Variants in VPS13B observed in about 807,000 individuals in gnomAD.
The protein encoded by VPS13B is intermembrane lipid transfer protein VPS13B.
VPS13B carries 285 observed loss-of-function variants against 426.4 expected under a neutral mutation model. That is an observed-to-expected ratio of 0.67 (90% confidence interval 0.61 to 0.74). The LOEUF is 0.74. VPS13B is among the 30% of genes least tolerant of loss of function. The probability of loss-of-function intolerance (pLI) is 0.00; values close to 1 mark genes in which losing one functional copy is unlikely to be tolerated. For synonymous variants in VPS13B, 1,676 were observed against 1,676.4 expected, an observed-to-expected ratio of 1.00 and a Z score of 0.01; for missense variants, 4,537 against 4,782.6, an observed-to-expected ratio of 0.95 and a Z score of 1.51.
chr8:99,497,413 T>C (rs1263260851), intron 25 of VPS13B, among the ~76,000 whole-genome samples: 1 of 147,112 alleles, frequency 6.8e-6, no homozygotes. Flanking sequence ...ATATAAAAAA[T>C]TATTACAAAT....
intron 17 of VPS13B, among the ~76,000 whole-genome samples, chr8:99,232,687 G>T (rs1816404436): frequency 6.6e-6 from 1 of 152,140 alleles, no homozygotes; most frequent in Non-Finnish European, 1.5e-5. Flanking sequence ...CACAAAAAAG[G>T]GTGTGCATTT....
At chr8:99,438,177 C>A (rs1817495051) in intron 22 of VPS13B, among the ~76,000 whole-genome samples, 1 of 151,740 alleles carries the variant, frequency 6.6e-6, no homozygotes, top group East Asian at 1.9e-4. Context: ...TAGGGAACTA[C>A]TTCCCACATT....
At chr8:99,147,754 T>C (rs1273178298) in intron 13 of VPS13B, 87 bp from the exon 14 acceptor site, 12 of 878,248 alleles carry the variant, frequency 1.4e-5, no homozygotes, top group African/African-American at 1.8e-5. Context: ...TTTGACCTTA[T>C]AGTTTGGAGA....
At chr8:99,096,201 G>A (rs1846406865) in intron 3 of VPS13B, 111 bp from the exon 4 acceptor site, 2 of 1,247,524 alleles carry the variant, frequency 1.6e-6, no homozygotes, top group South Asian at 1.4e-5. Context: ...ATAAAATTAT[G>A]TTGATCTTAT....
chr8:99,764,136 G>A (rs2130607576), intron 39 of VPS13B, among the ~76,000 whole-genome samples: 2 of 152,146 alleles, frequency 1.3e-5, no homozygotes, highest in South Asian at 4.2e-4. Context: ...CTGCCCTCAA[G>A]GATCTTAGAG....
chr8:99,351,053 C>G (rs1811853857), intron 19 of VPS13B, among the ~76,000 whole-genome samples: 2 of 152,034 alleles, frequency 1.3e-5, no homozygotes, highest in South Asian at 4.1e-4. Flanking sequence ...TGCAGATTTT[C>G]TTCTTAACTT....
In VPS13B at chr8:99,442,625, C is replaced by G. The variant is rs1817730301; in HGVS notation, c.3435C>G (p.Ile1145Met). The G allele has an allele frequency of 6.2e-7, 1 of 1,613,582 alleles. No individual in the cohort carries two copies. The highest frequency in any genetic ancestry group is 1.1e-5 in the South Asian group (1 of 91,062). The change falls in exon 23 of 62, where the codon ATC (isoleucine) becomes ATG (methionine). Residue 1145 changes from isoleucine to methionine, a missense_variant. Ile to Met is a conservative substitution (Grantham distance 10). This residue lies in a region of VPS13B where 4,311 missense variants were observed against 4,474.3 expected (regional missense o/e 0.96). Coordinates refer to ENST00000357162, the MANE Select transcript of VPS13B (RefSeq NM_152564.5). ...QEIPFVIPRP[I>M]LEEGDAFPWT... ...TTCCATTTGTTATCCCACGACCCAT[C>G]CTTGAAGAAGGTATATGTTAACATT...
rs747097247 is a variant in VPS13B, at chr8:99,326,452, C to CTTTTTTTTTTTTTTTTTTTTTT, written c.2824+51207_2824+51228dup. Among the ~76,000 whole-genome samples the CTTTTTTTTTTTTTTTTTTTTTT allele has an allele frequency of 1.9e-3, 62 of 32,524 alleles. 17 individuals are homozygous for CTTTTTTTTTTTTTTTTTTTTTT. Among genetic ancestry groups the CTTTTTTTTTTTTTTTTTTTTTT allele is most frequent in the African/African-American group, 2.3e-3 (18 of 7,746 alleles). 21.3% of individuals were successfully genotyped at this position (32,524 alleles called of 152,430 possible). A position where few individuals can be genotyped will look rare whatever the true frequency, so the allele number is the denominator to read the frequency against. On this transcript the variant is annotated intron_variant, in intron 19 of 61. Transcript: ENST00000357162. ...ATTTCTATCTATCATCTCTAGGTAG[C>CTTTTTTTTTTTTTTTTTTTTTT]TTTTTTTTTTTTTTTTTTTTTTTTT...
chr8:99,832,366 TAGTATTTTC>T lies in VPS13B; in HGVS notation c.9331-2_9337del. The stretch of plus-strand genomic sequence containing the variant: ...ATTTTTTTTTTTTTTTTTTTTTTTT[TAGTATTTTC>T]GTGTTCCAGACAGTGCTACTTTTAG... On this transcript the variant is annotated splice_acceptor_variant and coding_sequence_variant, in exon 52 of 62. Coordinates refer to ENST00000357162, the MANE Select transcript of VPS13B (RefSeq NM_152564.5). LOFTEE classifies it high-confidence loss of function. 1 of 1,462,312 alleles carries T rather than the reference TAGTATTTTC, an allele frequency of 6.8e-7. No individual in the cohort carries two copies. Among genetic ancestry groups the T allele is most frequent in the African/African-American group, 1.5e-5 (1 of 64,826 alleles). 90.6% of individuals were successfully genotyped at this position (1,462,312 alleles called of 1,614,324 possible).
intron 31 of VPS13B, among the ~76,000 whole-genome samples, chr8:99,559,150 C>A (rs570984606): frequency 6.6e-6 from 1 of 152,308 alleles, no homozygotes; most frequent in Admixed American, 6.5e-5. Context: ...TTGCATTTCT[C>A]TGATGGCCAG....
At chr8:99,752,986 T>G (rs1219324051) in intron 39 of VPS13B, among the ~76,000 whole-genome samples, 1 of 152,166 alleles carries the variant, frequency 6.6e-6, no homozygotes, top group East Asian at 1.9e-4. Flanking sequence ...TCCTGGGCTC[T>G]GGAATCTCCA....
intron 58 of VPS13B, among the ~76,000 whole-genome samples, chr8:99,864,957 G>A (rs1056497226): frequency 2.0e-5 from 3 of 152,188 alleles, no homozygotes; most frequent in African/African-American, 4.8e-5. Flanking sequence ...TTACGGGTTC[G>A]GCGGGCCTTC....
chr8:99,440,632 G>A (rs1817636006), intron 22 of VPS13B, among the ~76,000 whole-genome samples: 1 of 152,206 alleles, frequency 6.6e-6, no homozygotes, highest in Non-Finnish European at 1.5e-5. Context: ...TTTTAGAGTT[G>A]TTATGTATCT....
At position 99,365,516 on chromosome 8, in the gene VPS13B, C is replaced by CTTCT. The variant is rs71273182; in HGVS notation, c.2825-18690_2825-18689insCTTT. On this transcript the variant is annotated intron_variant, in intron 19 of 61. Transcript: ENST00000357162. ...TTCCAATTTTCTTCTTCTTCTTCTT[C>CTTCT]TTTTTTTTTTTTTTTTTTGAGGCGG... 5.9e-3 allele frequency among the ~76,000 whole-genome samples: 604 copies of CTTCT among 102,370 alleles called. 24 individuals are homozygous for CTTCT. Among genetic ancestry groups the CTTCT allele is most frequent in the Middle Eastern group, 0.015 (2 of 136 alleles). The allele number at this position is 102,370 out of a possible 152,430, so 67.2% of individuals were successfully genotyped here. A position where few individuals can be genotyped will look rare whatever the true frequency, so the allele number is the denominator to read the frequency against.
At chr8:99,247,102 C>T (rs1817265655) in intron 17 of VPS13B, among the ~76,000 whole-genome samples, 1 of 152,008 alleles carries the variant, frequency 6.6e-6, no homozygotes, top group African/African-American at 2.4e-5. Flanking sequence ...TTAATTGACT[C>T]TAGTTATTGG....
chr8:99,095,042 A>G (rs1846349578), intron 3 of VPS13B, among the ~76,000 whole-genome samples: 1 of 152,132 alleles, frequency 6.6e-6, no homozygotes, highest in South Asian at 2.1e-4. Flanking sequence ...TTCTCTTCGT[A>G]ATGCCTATCT....
At chr8:99,359,236 T>C (rs186193627) in intron 19 of VPS13B, among the ~76,000 whole-genome samples, 40 of 152,294 alleles carry the variant, frequency 2.6e-4, no homozygotes, top group Admixed American at 1.2e-3. Flanking sequence ...TAAAATAACA[T>C]TGATTTTAGA....
intron 2 of VPS13B, among the ~76,000 whole-genome samples, chr8:99,021,892 C>T (rs1189673882): frequency 1.3e-5 from 2 of 152,116 alleles, no homozygotes; most frequent in Non-Finnish European, 2.9e-5. Flanking sequence ...GGATTACAGG[C>T]GTGAGCCCCT....
intron 31 of VPS13B, among the ~76,000 whole-genome samples, chr8:99,570,248 G>A (rs1397119075): frequency 6.6e-6 from 1 of 151,794 alleles, no homozygotes; most frequent in African/African-American, 2.4e-5. Flanking sequence ...ATCATTTCTG[G>A]GAAAATCCTC....
Sources: gnomAD v4.1 joint callset for allele counts (sites outside exome capture counted in the v4.1 genomes callset) on GRCh38, gnomAD v4.1.1 for gene constraint, gnomAD v4.1.1 regional missense constraint, MANE v1.5 for transcripts, NCBI Gene and HGNC (gene_info 2026-07-23, HGNC 2026-07-21) for gene names.